ARL15: variants seen among roughly 807,000 people sequenced by gnomAD.
ARL15 encodes the protein ADP-ribosylation factor-like protein 15.
ARL15 carries 19 observed loss-of-function variants against 25.2 expected under a neutral mutation model. The ratio of observed to expected loss-of-function variants is 0.75; its 90% CI spans 0.53 to 1.10. The LOEUF (loss-of-function observed/expected upper bound fraction) is 1.10. Among genes scored for constraint, ARL15 ranks in the 50% least tolerant of loss-of-function variants. The pLI is 0.00. For synonymous variants in ARL15, 94 were observed against 86.8 expected (o/e 1.08, Z -0.46); for missense variants, 220 against 246.0 (o/e 0.89, Z 0.71).
intron 1 of ARL15, among the ~76,000 whole-genome samples, chr5:54,269,420 C>T (rs1441929632): frequency 1.3e-5 from 2 of 152,052 alleles, no homozygotes; most frequent in Non-Finnish European, 2.9e-5. Context: ...ATTGCAGTCT[C>T]ACATTTTACA....
At chr5:54,005,586 G>A (rs11741082) in intron 4 of ARL15, among the ~76,000 whole-genome samples, 41,711 of 151,416 alleles carry the variant, frequency 0.28, 5,922 homozygotes, top group East Asian at 0.45. Flanking sequence ...AAAAATAGCC[G>A]GGCGCGGTAG....
At chr5:54,285,742 T>G (rs1230883767) in intron 1 of ARL15, among the ~76,000 whole-genome samples, 1 of 152,142 alleles carries the variant, frequency 6.6e-6, no homozygotes, top group African/African-American at 2.4e-5. Flanking sequence ...TAAAACCCCT[T>G]CGAATGAGGC....
At chr5:54,108,268 C>T (rs545944166) in intron 4 of ARL15, among the ~76,000 whole-genome samples, 3 of 152,124 alleles carry the variant, frequency 2.0e-5, no homozygotes, top group South Asian at 4.1e-4. Flanking sequence ...ATTGTAACAG[C>T]GTGCAGTGCA....
chr5:54,008,226 A>G (rs927720107), intron 4 of ARL15, among the ~76,000 whole-genome samples: 3 of 152,202 alleles, frequency 2.0e-5, no homozygotes, highest in Non-Finnish European at 4.4e-5. Flanking sequence ...TAACCACCTA[A>G]GACAGAAATA....
intron 1 of ARL15, among the ~76,000 whole-genome samples, chr5:54,213,875 T>G (rs1263569436): frequency 1.3e-5 from 2 of 152,170 alleles, no homozygotes; most frequent in Non-Finnish European, 2.9e-5. Context: ...AAAAAATCCA[T>G]CAGTTTATTG....
intron 4 of ARL15, among the ~76,000 whole-genome samples, chr5:54,090,808 A>G (rs1736152050): frequency 6.6e-6 from 1 of 152,148 alleles, no homozygotes; most frequent in African/African-American, 2.4e-5. Flanking sequence ...GAAAGTACAC[A>G]TACTTCTACA....
At chr5:53,955,212 A>G (rs904240554) in intron 4 of ARL15, among the ~76,000 whole-genome samples, 2 of 151,730 alleles carry the variant, frequency 1.3e-5, no homozygotes, top group Admixed American at 6.6e-5. Context: ...TGATACCCCA[A>G]TACTTTTCTT....
chr5:53,989,927 T>C (rs1664798), intron 4 of ARL15, among the ~76,000 whole-genome samples: 1 of 151,908 alleles, frequency 6.6e-6, no homozygotes, highest in Non-Finnish European at 1.5e-5. Context: ...TTGGGAGGCA[T>C]GAAAAAGTTT....
At chr5:53,916,099 G>A (rs948513816) in intron 4 of ARL15, among the ~76,000 whole-genome samples, 1 of 151,934 alleles carries the variant, frequency 6.6e-6, no homozygotes, top group Non-Finnish European at 1.5e-5. Context: ...ATTTTGTAGA[G>A]AGACTGTCTT....
intron 4 of ARL15, among the ~76,000 whole-genome samples, chr5:54,073,139 A>G (rs1002585701): frequency 6.6e-6 from 1 of 152,256 alleles, no homozygotes; most frequent in Non-Finnish European, 1.5e-5. Context: ...TGAACAGTTG[A>G]TTATAGAACG....
chr5:54,088,325 C>CA (rs1172963706), intron 4 of ARL15, among the ~76,000 whole-genome samples: 4 of 151,998 alleles, frequency 2.6e-5, no homozygotes, highest in Non-Finnish European at 5.9e-5. Flanking sequence ...CTGGGCTATA[C>CA]GTATGTGACT....
At chr5:53,941,375 G>T (rs2112085680) in intron 4 of ARL15, among the ~76,000 whole-genome samples, 1 of 152,232 alleles carries the variant, frequency 6.6e-6, no homozygotes, top group African/African-American at 2.4e-5. Context: ...CTATATCCAA[G>T]GTAGATCTTT....
intron 4 of ARL15, among the ~76,000 whole-genome samples, chr5:53,952,209 T>C (rs935941875): frequency 2.6e-5 from 4 of 151,702 alleles, no homozygotes; most frequent in African/African-American, 7.3e-5. Context: ...TTGGAGTGAG[T>C]TGAGATCACG....
At chr5:54,175,620 C>G (rs1430795599) in intron 1 of ARL15, among the ~76,000 whole-genome samples, 2 of 151,678 alleles carry the variant, frequency 1.3e-5, no homozygotes, top group Non-Finnish European at 2.9e-5. Context: ...CAGGTGTGAG[C>G]CACCATGCCC....
chr5:54,026,160 G>A (rs1749781886), intron 4 of ARL15, among the ~76,000 whole-genome samples: 1 of 152,154 alleles, frequency 6.6e-6, no homozygotes, highest in Non-Finnish European at 1.5e-5. Context: ...GACACATATT[G>A]TGTTCAAGAA....
chr5:53,984,044 T>C (rs1257940674), intron 4 of ARL15, among the ~76,000 whole-genome samples: 1 of 152,186 alleles, frequency 6.6e-6, no homozygotes, highest in Non-Finnish European at 1.5e-5. Flanking sequence ...TCTGGTCTGT[T>C]TGCAAGCACT....
chr5:53,901,887 C>A (rs985362998), intron 4 of ARL15, among the ~76,000 whole-genome samples: 1 of 152,164 alleles, frequency 6.6e-6, no homozygotes, highest in Non-Finnish European at 1.5e-5. Flanking sequence ...GCTCTGAGGA[C>A]ATTCCAGTGC....
intron 2 of ARL15, among the ~76,000 whole-genome samples, chr5:54,161,457 C>A (rs149433067): frequency 1.4e-4 from 22 of 152,282 alleles, no homozygotes; most frequent in Middle Eastern, 3.4e-3. Context: ...TACAATCTTA[C>A]CAGCACTGAC....
At chr5:54,078,798 C>T (rs546129597) in intron 4 of ARL15, among the ~76,000 whole-genome samples, 72 of 152,256 alleles carry the variant, frequency 4.7e-4, no homozygotes, top group African/African-American at 1.7e-3. Context: ...AGCTAACTCA[C>T]TATCCTACTA....
Sources: gnomAD v4.1 joint callset for allele counts (sites outside exome capture counted in the v4.1 genomes callset) on GRCh38, gnomAD v4.1.1 for gene constraint, MANE v1.5 for transcripts, NCBI Gene and HGNC (gene_info 2026-07-23, HGNC 2026-07-21) for gene names.